The following SKAP2 variants were observed in gnomAD, a reference collection of about 807,000 sequenced individuals.
SKAP2 encodes src kinase-associated phosphoprotein 2.
A neutral mutation model predicts 54.9 loss-of-function variants in SKAP2; 28 were observed. The ratio of observed to expected loss-of-function variants is 0.51; its 90% CI spans 0.38 to 0.70. The LOEUF is 0.70. Among genes scored for constraint, SKAP2 ranks in the 30% least tolerant of loss-of-function variants. SKAP2 has a pLI of 0.00. For synonymous variants in SKAP2, 137 were observed against 134.3 expected, an observed-to-expected ratio of 1.02 and a Z score of -0.14; for missense variants, 356 against 424.1, an observed-to-expected ratio of 0.84 and a Z score of 1.41.
At chr7:26,703,830 A>T (rs537016811) in intron 9 of SKAP2, among the ~76,000 whole-genome samples, 5 of 152,348 alleles carry the variant, frequency 3.3e-5, no homozygotes, top group African/African-American at 1.2e-4. Context: ...ACGAAGGCAT[A>T]GAAACACTTA....
chr7:26,816,457 T>C (rs1382440446), intron 4 of SKAP2, among the ~76,000 whole-genome samples: 2 of 152,222 alleles, frequency 1.3e-5, no homozygotes, highest in African/African-American at 4.8e-5. Flanking sequence ...AATACTAAGA[T>C]ATTAAAGATA....
At chr7:26,778,715 C>A (rs1783364880) in intron 4 of SKAP2, among the ~76,000 whole-genome samples, 1 of 151,642 alleles carries the variant, frequency 6.6e-6, no homozygotes, top group South Asian at 2.1e-4. Flanking sequence ...ATATATGTTT[C>A]TTCTGTGTCT....
At chr7:26,661,000 T>G in the SKAP2 span, among the ~76,000 whole-genome samples, 1 of 152,214 alleles carries the variant, frequency 6.6e-6, no homozygotes, top group African/African-American at 2.4e-5. Context: ...ACAAATATAC[T>G]TAATAATCTT....
chr7:26,662,839 C>G (rs763507796), downstream of SKAP2, among the ~76,000 whole-genome samples: 1 of 152,070 alleles, frequency 6.6e-6, no homozygotes, highest in Non-Finnish European at 1.5e-5. Context: ...AGAGGGCACA[C>G]TTGACGTTGT....
chr7:26,689,969 G>A (rs1433115473), intron 10 of SKAP2, among the ~76,000 whole-genome samples: 1 of 152,196 alleles, frequency 6.6e-6, no homozygotes, highest in African/African-American at 2.4e-5. Context: ...TCCTTTAGCA[G>A]TGACACTTCC....
intron 9 of SKAP2, among the ~76,000 whole-genome samples, chr7:26,713,532 C>T (rs1053234826): frequency 6.6e-5 from 10 of 150,914 alleles, no homozygotes; most frequent in Admixed American, 3.3e-4. Context: ...TAATTTGAAA[C>T]AATCAGTAAA....
Position 26,725,294 on chromosome 7 carries a change from T to C in SKAP2, c.796+134A>G. The C allele has an allele frequency of 7.3e-6, 4 of 544,256 alleles. No homozygotes were observed. In the South Asian group the frequency reaches 1.3e-4, roughly 18 times the overall value. 33.7% of individuals were successfully genotyped at this position (544,256 alleles called of 1,614,324 possible). On this transcript the variant is annotated intron_variant, in intron 9 of 12. Transcript: ENST00000345317. ...AAAATAGAGTTTTGAAGATATTCTT[T>C]GTCCTTGTTCTCAATAGGTCACCAT...
chr7:26,788,593 G>A (rs893450128), intron 4 of SKAP2, among the ~76,000 whole-genome samples: 2 of 152,064 alleles, frequency 1.3e-5, no homozygotes, highest in African/African-American at 2.4e-5. Context: ...ACCAAACAAT[G>A]TATTAATCTT....
At chr7:26,658,410 CTAAATA>C in the SKAP2 span, among the ~76,000 whole-genome samples, 1 of 152,124 alleles carries the variant, frequency 6.6e-6, no homozygotes, top group Non-Finnish European at 1.5e-5. Context: ...CTTGGTTTTA[CTAAATA>C]TAAGTTTCCA....
chr7:26,829,730 T>C (rs567605161), intron 4 of SKAP2, among the ~76,000 whole-genome samples: 1 of 152,220 alleles, frequency 6.6e-6, no homozygotes, highest in East Asian at 1.9e-4. Context: ...TTCACTAGGA[T>C]GGCCGAAATA....
At position 26,713,821 on chromosome 7, in the gene SKAP2, T is replaced by G. The variant is rs191697384; in HGVS notation, c.796+11607A>C. Among the ~76,000 whole-genome samples the G allele has an allele frequency of 6.2e-3, 941 of 152,156 alleles. 6 individuals carry two copies. The highest frequency in any genetic ancestry group is 0.011 in the Non-Finnish European group (731 of 67,976). ...TCACTGTGTTAGCCAGGATGGTCTCTATCTCCTGACCTCGTGATCCACCTG... is the reference window on the plus strand; with the variant it reads ...TCACTGTGTTAGCCAGGATGGTCTCGATCTCCTGACCTCGTGATCCACCTG... On this transcript the variant is annotated intron_variant, in intron 9 of 12. Coordinates refer to ENST00000345317, the MANE Select transcript of SKAP2 (RefSeq NM_003930.5).
intron 4 of SKAP2, among the ~76,000 whole-genome samples, chr7:26,754,970 C>T (rs1554298405): frequency 6.6e-6 from 1 of 152,154 alleles, no homozygotes; most frequent in Admixed American, 6.5e-5. Context: ...TGGCATAACA[C>T]AAGTTATTCC....
chr7:26,665,620 C>G (rs1163894594), downstream of SKAP2, among the ~76,000 whole-genome samples: 1 of 152,074 alleles, frequency 6.6e-6, no homozygotes, highest in Non-Finnish European at 1.5e-5. Flanking sequence ...ATTCTACTAG[C>G]AGAAACAAGA....
chr7:26,736,245 A>C (rs117215677), intron 6 of SKAP2, among the ~76,000 whole-genome samples: 1,638 of 152,310 alleles, frequency 0.011, 14 homozygotes, highest in Middle Eastern at 0.044. Context: ...CTTGCTGATA[A>C]AAGGATGCAG....
chr7:26,863,666 G>A (rs573824631), intron 1 of SKAP2, among the ~76,000 whole-genome samples: 1 of 152,192 alleles, frequency 6.6e-6, no homozygotes, highest in African/African-American at 2.4e-5. Flanking sequence ...AACTGAAAAA[G>A]GGAAGATAAG....
At chr7:26,773,547 T>C (rs886655767) in intron 4 of SKAP2, among the ~76,000 whole-genome samples, 1 of 152,184 alleles carries the variant, frequency 6.6e-6, no homozygotes, top group Non-Finnish European at 1.5e-5. Flanking sequence ...TTCCCACAAT[T>C]TCTCCCTTTT....
chr7:26,664,351 A>T (rs1334877051), downstream of SKAP2, among the ~76,000 whole-genome samples: 3 of 152,220 alleles, frequency 2.0e-5, no homozygotes, highest in African/African-American at 7.2e-5. Flanking sequence ...TACTATTACT[A>T]GTCTGACTTA....
intron 5 of SKAP2, among the ~76,000 whole-genome samples, chr7:26,739,125 CA>C (rs1174234388): frequency 6.6e-6 from 1 of 152,102 alleles, no homozygotes; most frequent in Non-Finnish European, 1.5e-5. Flanking sequence ...CAGGGACAGT[CA>C]AAAAGGTATC....
intron 1 of SKAP2, 69 bp downstream of exon 1, chr7:26,864,294 T>C (rs1785328167): frequency 6.3e-7 from 1 of 1,593,236 alleles, no homozygotes; most frequent in Non-Finnish European, 8.6e-7. Context: ...TGAATGCTTC[T>C]GTCCCCACCG....
Sources: gnomAD v4.1 joint callset for allele counts (sites outside exome capture counted in the v4.1 genomes callset) on GRCh38, gnomAD v4.1.1 for gene constraint, MANE v1.5 for transcripts, NCBI Gene and HGNC (gene_info 2026-07-23, HGNC 2026-07-21) for gene names.